TAS1R2: variants seen among roughly 807,000 people sequenced by gnomAD.
TAS1R2 encodes the protein taste 1 receptor member 2, also known as taste receptor type 1 member 2.
Under a neutral mutation model 49.3 loss-of-function variants are expected in TAS1R2, and 47 were observed. That is an observed-to-expected ratio of 0.95 (90% CI 0.75 to 1.22). The LOEUF (loss-of-function observed/expected upper bound fraction) is 1.22, where lower values mean the gene tolerates loss of function less well. TAS1R2 is among the 50% of genes most tolerant of loss of function. The probability of loss-of-function intolerance (pLI) is 0.00; values close to 1 mark genes in which losing one functional copy is unlikely to be tolerated. For synonymous variants in TAS1R2, 479 were observed against 467.9 expected (o/e 1.02, Z -0.31); for missense variants, 1,155 against 1,122.1 (o/e 1.03, Z -0.42).
intron 5 of TAS1R2, 54 bp from the exon 6 acceptor site, chr1:18,840,581 A>T: frequency 6.3e-7 from 1 of 1,595,050 alleles, no homozygotes; most frequent in Non-Finnish European, 8.6e-7. Flanking sequence ...AAGCACCTGC[A>T]TCCTCCCAGC....
At position 18,839,884 on chromosome 1, in the gene TAS1R2, G is replaced by A. The variant is rs116173086; in HGVS notation, c.2235C>T (p.Phe745=). 1,898 of 1,614,234 alleles carry A rather than the reference G, an allele frequency of 1.2e-3. 19 individuals carry two copies. In the African/African-American group the frequency reaches 0.02, roughly 17 times the overall value. ...TGGGCAGCTCTTTGCCCATGTAGGCGAAGCTGAAACCCACCACTGAGAGCA... is the reference window on the plus strand; with the variant it reads ...TGGGCAGCTCTTTGCCCATGTAGGCAAAGCTGAAACCCACCACTGAGAGCA... Residue 745 remains phenylalanine (F), a synonymous_variant, in exon 6 of 6, where the codon TTC becomes TTT. Coordinates refer to ENST00000375371, the Ensembl canonical transcript of TAS1R2.
intron 1 of TAS1R2, among the ~76,000 whole-genome samples, chr1:18,858,771 A>G (rs1569684003): frequency 6.6e-6 from 1 of 152,276 alleles, no homozygotes; most frequent in South Asian, 2.1e-4. Flanking sequence ...CATCACCTTC[A>G]CCATTCTCAA....
At chr1:18,849,686 A>T in intron 3 of TAS1R2, 136 bp from the exon 4 acceptor site, 1 of 985,614 alleles carries the variant, frequency 1.0e-6, no homozygotes, top group Non-Finnish European at 1.5e-6. Context: ...TAAATCTCCG[A>T]AAGGGTGGCA....
At chr1:18,852,093 TGG>T (rs1934039317) in intron 3 of TAS1R2, among the ~76,000 whole-genome samples, 1 of 152,144 alleles carries the variant, frequency 6.6e-6, no homozygotes, top group East Asian at 1.9e-4. Flanking sequence ...GATACAGCAT[TGG>T]AAAGGATTGG....
rs968202743 is a variant in TAS1R2, at chr1:18,854,974, C to T, written c.496G>A (p.Ala166Thr). Reference sequence around the variant, plus strand: ...TTGTCTCGCAGCTCATCGCTGATGGCGCTGTAGGTGATCTGCAAGGGGAAG... The same window carrying T: ...TTGTCTCGCAGCTCATCGCTGATGGTGCTGTAGGTGATCTGCAAGGGGAAG... The change falls in exon 3 of 6, where the codon GCC (alanine) becomes ACC (threonine). Residue 166 changes from alanine (A) to threonine (T), a missense_variant. Ala to Thr is a moderately conservative substitution (Grantham distance 58). Coordinates refer to ENST00000375371, the Ensembl canonical transcript of TAS1R2. The surrounding 1 kb of genome is among the most constrained non-coding windows in gnomAD (Gnocchi z 4.9). 11 of 1,603,362 alleles carry T rather than the reference C, an allele frequency of 6.9e-6. No homozygotes were observed. Among genetic ancestry groups the T allele is most frequent in the African/African-American group, 4.0e-5 (3 of 74,706 alleles).
intron 5 of TAS1R2, among the ~76,000 whole-genome samples, chr1:18,840,839 A>G (rs1278710550): frequency 6.6e-6 from 1 of 152,208 alleles, no homozygotes; most frequent in Non-Finnish European, 1.5e-5. Flanking sequence ...CCTCCCTTCC[A>G]AGACCTCACC....
At position 18,854,270 on chromosome 1, in the gene TAS1R2, G is replaced by C. The variant is rs1453393828; in HGVS notation, c.1200C>G (p.His400Gln). ...TGCTTTTGTCACAGCCGAGGAGGCT[G>C]TGCAGGGCATGGGCCACAGCATAGA... Residue 400 changes from histidine to glutamine, a missense_variant, in exon 3 of 6, where the codon CAC becomes CAG. His to Gln is a conservative substitution (Grantham distance 24). Coordinates refer to ENST00000375371, the Ensembl canonical transcript of TAS1R2. This position sits in a 1 kb window ranked among gnomAD's most constrained non-coding sequence, Gnocchi z 4.9. The C allele has an allele frequency of 1.9e-6, 3 of 1,614,082 alleles. No homozygotes were observed. In the East Asian group the frequency reaches 6.7e-5, roughly 36 times the overall value.
chr1:18,840,261 C>T lies in TAS1R2; in HGVS notation c.1858G>A (p.Val620Met), dbSNP rs563308449. The change falls in exon 6 of 6, where the codon GTG becomes ATG. Residue 620 changes from valine (V) to methionine (M), a missense_variant. By Grantham distance (21) the Val-to-Met change is conservative. Transcript: ENST00000375371. Reference sequence around the variant, plus strand: ...GAGACCTTGGGCGGCCCCACGTACACCGGGACCACCATGTATGCCACCAGC... The same window carrying T: ...GAGACCTTGGGCGGCCCCACGTACATCGGGACCACCATGTATGCCACCAGC... 8.1e-6 allele frequency: 13 copies of T among 1,614,046 alleles called. No individual in the cohort carries two copies. In the East Asian group the frequency reaches 2.5e-4, roughly 30 times the overall value.
chr1:18,842,879 C>A (rs1009792005), intron 4 of TAS1R2, among the ~76,000 whole-genome samples: 4 of 151,868 alleles, frequency 2.6e-5, no homozygotes, highest in African/African-American at 9.7e-5. Context: ...CACAAAAATG[C>A]GAATATACTT....
chr1:18,851,241 C>T (rs961171841), intron 3 of TAS1R2, among the ~76,000 whole-genome samples: 7 of 152,136 alleles, frequency 4.6e-5, no homozygotes, highest in Admixed American at 3.3e-4. Context: ...GTGCCGAGGG[C>T]CCCATTTGTG....
rs375094748 is a variant in TAS1R2, at chr1:18,854,612, A to G, written c.858T>C (p.Asn286=). The stretch of plus-strand genomic sequence containing the variant: ...CAGTGAAGTTCTGGCGCAGCACCTC[A>G]TTGAAGAAGTGGTACAGGGTCAGGT... The change falls in exon 3 of 6, where the codon AAT becomes AAC. Residue 286 remains asparagine (N), a synonymous_variant. Transcript: ENST00000375371. The surrounding 1 kb of genome is among the most constrained non-coding windows in gnomAD (Gnocchi z 4.9). 27 of 1,613,944 alleles carry G rather than the reference A, an allele frequency of 1.7e-5. No homozygotes were observed. The highest frequency in any genetic ancestry group is 2.7e-5 in the African/African-American group (2 of 74,922).
At chr1:18,839,604 C>T (rs1180552791) in exon 6 of TAS1R2, 2 of 1,611,544 alleles carry the variant, frequency 1.2e-6, no homozygotes, top group Admixed American at 1.7e-5. Context: ...TGGCACTAGT[C>T]CCTCCTCATG....
chr1:18,854,967 CT>C lies in TAS1R2; in HGVS notation c.502del (p.Ser168AlafsTer30). ...GCGCACCTTGTCTCGCAGCTCATCGCTGATGGCGCTGTAGGTGATCTGCAAG... is the reference window on the plus strand; with the variant it reads ...GCGCACCTTGTCTCGCAGCTCATCGCGATGGCGCTGTAGGTGATCTGCAAG... On this transcript the variant is annotated frameshift_variant, in exon 3 of 6. Coordinates refer to ENST00000375371, the Ensembl canonical transcript of TAS1R2. LOFTEE classifies it high-confidence loss of function. This position sits in a 1 kb window ranked among gnomAD's most constrained non-coding sequence, Gnocchi z 4.9. The C allele has an allele frequency of 6.2e-7, 1 of 1,606,188 alleles. No homozygotes were observed. The highest frequency in any genetic ancestry group is 8.5e-7 in the Non-Finnish European group (1 of 1,173,456).
intron 1 of TAS1R2, chr1:18,858,322 CCAA>C (rs1403835003): frequency 1.3e-5 from 2 of 152,340 alleles, no homozygotes; most frequent in African/African-American, 4.9e-5. Context: ...ACCACCATCA[CCAA>C]CACCATCACT....
At position 18,854,909 on chromosome 1, in the gene TAS1R2, G is replaced by A. The variant is rs569560287; in HGVS notation, c.561C>T (p.Ala187=). Reference sequence around the variant, plus strand: ...GCACCATGGCCTCGATGTGGTGGTCGGCGCTGGGTGTGGTACGCAGCAAAG... The same window carrying A: ...GCACCATGGCCTCGATGTGGTGGTCAGCGCTGGGTGTGGTACGCAGCAAAG... Residue 187 remains alanine (A), a synonymous_variant, in exon 3 of 6, where the codon GCC becomes GCT. Transcript: ENST00000375371. This position sits in a 1 kb window ranked among gnomAD's most constrained non-coding sequence, Gnocchi z 4.9. 1.7e-5 allele frequency: 27 copies of A among 1,613,342 alleles called. 1 individual carries two copies. The highest frequency in any genetic ancestry group is 6.7e-5 in the East Asian group (3 of 44,868).
chr1:18,851,875 G>T (rs1934033769), intron 3 of TAS1R2, among the ~76,000 whole-genome samples: 1 of 152,144 alleles, frequency 6.6e-6, no homozygotes, highest in East Asian at 1.9e-4. Flanking sequence ...CTCCCTAGCT[G>T]GGTGCCTGTC....
intron 3 of TAS1R2, among the ~76,000 whole-genome samples, chr1:18,850,350 G>T (rs1036990674): frequency 6.6e-6 from 1 of 152,212 alleles, no homozygotes; most frequent in African/African-American, 2.4e-5. Flanking sequence ...TGTCCATTTG[G>T]CTATATCTTT....
chr1:18,844,064 T>C lies in TAS1R2; in HGVS notation c.1468-2212A>G, dbSNP rs149684654. On this transcript the variant is annotated intron_variant, in intron 4 of 5. Coordinates refer to ENST00000375371, the Ensembl canonical transcript of TAS1R2. ...AGGAATGATTCACAAGTAGGTTGGTTTGATATATTAATGTGAGCTGACAGT... is the reference window on the plus strand; with the variant it reads ...AGGAATGATTCACAAGTAGGTTGGTCTGATATATTAATGTGAGCTGACAGT... Among the ~76,000 whole-genome samples, 25 of 152,278 alleles carry C rather than the reference T, an allele frequency of 1.6e-4. No individual in the cohort carries two copies. The East Asian group carries it at 4.2e-3, about 26-fold the overall frequency.
chr1:18,841,388 T>TCATC (rs1933821165), intron 5 of TAS1R2, among the ~76,000 whole-genome samples: 3 of 152,196 alleles, frequency 2.0e-5, no homozygotes, highest in Non-Finnish European at 4.4e-5. Flanking sequence ...CAAATACCAT[T>TCATC]CATTCATTCA....
Sources: gnomAD v4.1 joint callset for allele counts (sites outside exome capture counted in the v4.1 genomes callset) on GRCh38, gnomAD v4.1.1 for gene constraint, Gnocchi (gnomAD v3.1) non-coding constraint, MANE v1.5 for transcripts, NCBI Gene and HGNC (gene_info 2026-07-23, HGNC 2026-07-21) for gene names.